Variants in USP43 observed in about 807,000 individuals in gnomAD.
USP43 encodes ubiquitin carboxyl-terminal hydrolase 43.
A neutral mutation model predicts 90.7 loss-of-function variants in USP43; 33 were observed. The ratio of observed to expected loss-of-function variants is 0.36; its 90% CI spans 0.28 to 0.49. The LOEUF (loss-of-function observed/expected upper bound fraction) is 0.49, where lower values mean the gene tolerates loss of function less well. Among genes scored for constraint, USP43 ranks in the 20% least tolerant of loss-of-function variants. USP43 has a pLI of 0.98. For missense variants in USP43, 1,274 were observed against 1,476.4 expected (o/e 0.86, Z 2.25); for synonymous variants, 598 against 615.8 (o/e 0.97, Z 0.43).
chr17:9,681,137 A>T (rs7222612), intron 6 of USP43, among the ~76,000 whole-genome samples: 6 of 104,916 alleles, frequency 5.7e-5, no homozygotes, highest in African/African-American at 3.3e-4. Flanking sequence ...TATACTATAT[A>T]ATATATACTA....
intron 14 of USP43, among the ~76,000 whole-genome samples, chr17:9,717,430 C>G (rs1003559867): frequency 3.3e-5 from 5 of 151,610 alleles, no homozygotes; most frequent in African/African-American, 4.9e-5. Flanking sequence ...TTTATGTCAT[C>G]ATTTGTATCC....
intron 14 of USP43, among the ~76,000 whole-genome samples, chr17:9,722,864 C>T (rs1597898596): frequency 6.6e-6 from 1 of 152,140 alleles, no homozygotes; most frequent in Admixed American, 6.6e-5. Context: ...AAATTCCCCT[C>T]GCAGCACTTA....
chr17:9,684,312 A>G (rs11870482), intron 7 of USP43, among the ~76,000 whole-genome samples: 49,463 of 151,642 alleles, frequency 0.33, 9,380 homozygotes, highest in East Asian at 0.63. Flanking sequence ...AAGGCAAAGG[A>G]CAAATGAGGA....
chr17:9,663,216 G>A (rs1052798207), intron 2 of USP43, among the ~76,000 whole-genome samples: 2 of 151,970 alleles, frequency 1.3e-5, no homozygotes, highest in Admixed American at 6.6e-5. Context: ...AAATCATGGA[G>A]CAAAGAGATT....
intron 14 of USP43, among the ~76,000 whole-genome samples, chr17:9,719,877 G>A (rs1334346917): frequency 6.6e-6 from 1 of 152,148 alleles, no homozygotes; most frequent in African/African-American, 2.4e-5. Context: ...GACCAGCCTG[G>A]TCCACATGGC....
chr17:9,649,716 A>T (rs77138733), intron 1 of USP43, among the ~76,000 whole-genome samples: 5 of 151,538 alleles, frequency 3.3e-5, no homozygotes, highest in Non-Finnish European at 7.4e-5. Flanking sequence ...TAGAAAAAAA[A>T]AGAGATCTGT....
Position 9,728,286 on chromosome 17 carries a change from G to A in USP43, c.2668G>A (p.Val890Met), listed in dbSNP as rs374324302. Residue 890 changes from valine to methionine, a missense_variant, in exon 15 of 15, where the codon GTG (valine) becomes ATG (methionine). Val to Met is a conservative substitution (Grantham distance 21). Transcript: ENST00000285199. The surrounding 1 kb of genome is among the most constrained non-coding windows in gnomAD (Gnocchi z 6.2). ...GRAIERGPAG[V>M]PCPSAQPNHC... ...GGCCATTGAAAGAGGTCCAGCCGGG[G>A]TGCCCTGTCCCTCGGCTCAACCCAA... 1.9e-6 allele frequency: 3 copies of A among 1,613,446 alleles called. No homozygotes were observed. The highest frequency in any genetic ancestry group is 1.6e-4 in the Middle Eastern group (1 of 6,062).
chr17:9,723,537 C>G, intron 14 of USP43, among the ~76,000 whole-genome samples: 1 of 76,466 alleles, frequency 1.3e-5, no homozygotes, highest in Non-Finnish European at 2.8e-5. Context: ...CCTCCCCTCC[C>G]CTCCCCTCCC....
At chr17:9,694,754 G>A (rs1304620196) in intron 9 of USP43, among the ~76,000 whole-genome samples, 1 of 152,002 alleles carries the variant, frequency 6.6e-6, no homozygotes, top group Non-Finnish European at 1.5e-5. Context: ...CTCCCCAGTA[G>A]CTGGGATTAT....
chr17:9,681,454 A>C (rs1597844908), intron 6 of USP43, among the ~76,000 whole-genome samples: 1 of 55,756 alleles, frequency 1.8e-5, no homozygotes, highest in Admixed American at 3.1e-4. Context: ...AAATATATAT[A>C]AAATATATTA....
In USP43 at chr17:9,696,117, A is replaced by T. The variant is rs189593995; in HGVS notation, c.1457+2887A>T. Among the ~76,000 whole-genome samples, 520 of 151,096 alleles carry T rather than the reference A, an allele frequency of 3.4e-3. 5 individuals are homozygous for T. Among genetic ancestry groups the T allele is most frequent in the African/African-American group, 0.012 (498 of 41,038 alleles). ...ACCCCTGGCCCTCTGGGTTCCATTT[A>T]TGGGTGTTTTTTATGTTTTGTTTTG... On this transcript the variant is annotated intron_variant, in intron 9 of 14. Transcript: ENST00000285199.
chr17:9,687,300 A>T (rs1289490951), intron 8 of USP43, among the ~76,000 whole-genome samples: 1 of 152,156 alleles, frequency 6.6e-6, no homozygotes, highest in East Asian at 1.9e-4. Flanking sequence ...TTTTCCTAGA[A>T]GATAGCATAT....
chr17:9,662,008 G>GA (rs1912676242), intron 2 of USP43, among the ~76,000 whole-genome samples: 1 of 152,238 alleles, frequency 6.6e-6, no homozygotes, highest in South Asian at 2.1e-4. Flanking sequence ...GAACTGTCAA[G>GA]AATCAGGCAG....
At chr17:9,647,894 G>A (rs1433997562) in intron 1 of USP43, among the ~76,000 whole-genome samples, 1 of 151,462 alleles carries the variant, frequency 6.6e-6, no homozygotes, top group Non-Finnish European at 1.5e-5. Context: ...GGTGGCGGGC[G>A]CCTGTAGTCC....
At chr17:9,669,135 C>T (rs979285468) in intron 3 of USP43, among the ~76,000 whole-genome samples, 5 of 152,118 alleles carry the variant, frequency 3.3e-5, no homozygotes, top group South Asian at 4.1e-4. Flanking sequence ...TGAGCCACCA[C>T]GCCCGGCCGG....
chr17:9,693,378 T>C (rs891768341), intron 9 of USP43, 148 bp downstream of exon 9: 11 of 687,018 alleles, frequency 1.6e-5, no homozygotes, highest in South Asian at 5.6e-5. Context: ...TGTTAGGTCA[T>C]TGGGCATGTT....
chr17:9,648,974 T>C (rs1294668278), intron 1 of USP43, among the ~76,000 whole-genome samples: 2 of 150,748 alleles, frequency 1.3e-5, no homozygotes, highest in Non-Finnish European at 3.0e-5. Context: ...CCTCCCTTCT[T>C]TTCTTCCTTC....
Position 9,728,105 on chromosome 17 carries a change from C to T in USP43, c.2487C>T (p.Ser829=), listed in dbSNP as rs9896179. 3,719 of 1,613,864 alleles carry T rather than the reference C, an allele frequency of 2.3e-3. 68 individuals carry two copies. The African/African-American group carries it at 0.04, about 17-fold the overall frequency. Residue 829 remains serine (S), a synonymous_variant, in exon 15 of 15, where the codon TCC becomes TCT. Transcript: ENST00000285199. This position sits in a 1 kb window ranked among gnomAD's most constrained non-coding sequence, Gnocchi z 6.2. ...CCAAGGAGAAACCACCAGGTGCCTC[C>T]GTCGAGTTGGTGGAGTACTTGGAAT... The part of the protein sequence containing the change: ...FGSKEKPPGA[S]VELVEYLESR...
In USP43 at chr17:9,728,447, A is replaced by G; in HGVS notation, c.2829A>G (p.Lys943=). 1 of 1,612,448 alleles carries G rather than the reference A, an allele frequency of 6.2e-7. No individual in the cohort carries two copies. ...TGATGCCTTCAGTGGAGCATGAGAA[A>G]CCAGCTCGACCGGAGGGCCAGAAGG... is the stretch of plus-strand genomic sequence containing the variant. The part of the protein sequence containing the change: ...LTVMPSVEHE[K]PARPEGQKAM... Residue 943 remains lysine (K), a synonymous_variant, in exon 15 of 15, where the codon AAA becomes AAG. Transcript: ENST00000285199. This position sits in a 1 kb window ranked among gnomAD's most constrained non-coding sequence, Gnocchi z 6.2.
Sources: allele counts gnomAD v4.1 joint callset (sites outside exome capture counted in the v4.1 genomes callset), GRCh38; gene constraint gnomAD v4.1.1; non-coding constraint Gnocchi (gnomAD v3.1); transcripts MANE v1.5; gene names NCBI Gene and HGNC (gene_info 2026-07-23, HGNC 2026-07-21).